The following RPS6KC1 variants were observed in gnomAD, a reference collection of about 807,000 sequenced individuals.
The protein encoded by RPS6KC1 is inactive ribosomal protein S6 kinase delta-1.
Under a neutral mutation model 103.8 loss-of-function variants are expected in RPS6KC1, and 54 were observed. That is an observed-to-expected ratio of 0.52 (90% confidence interval 0.42 to 0.65). The LOEUF (loss-of-function observed/expected upper bound fraction) is 0.65. Ranked by LOEUF, RPS6KC1 falls within the 30% of genes least tolerant of loss-of-function variation. RPS6KC1 has a pLI of 0.00. For synonymous variants in RPS6KC1, 439 were observed against 438.7 expected (o/e 1.00, Z -0.01); for missense variants, 1,151 against 1,253.8 (o/e 0.92, Z 1.24).
chr1:213,082,502 G>T (rs1337126600), intron 3 of RPS6KC1, among the ~76,000 whole-genome samples: 2 of 152,282 alleles, frequency 1.3e-5, no homozygotes, highest in East Asian at 3.9e-4. Flanking sequence ...TGCAAGTGAG[G>T]TTTCCCAAAG....
chr1:213,497,615 A>G, the RPS6KC1 span, among the ~76,000 whole-genome samples: 80 of 152,344 alleles, frequency 5.3e-4, no homozygotes, highest in Admixed American at 7.2e-4. Context: ...TGGTTTTAGT[A>G]TAAAGAATTA....
At position 213,176,479 on chromosome 1, in the gene RPS6KC1, G is replaced by A; in HGVS notation, c.1031G>A (p.Gly344Glu). The A allele has an allele frequency of 6.3e-7, 1 of 1,598,164 alleles. No homozygotes were observed. The highest frequency in any genetic ancestry group is 8.6e-7 in the Non-Finnish European group (1 of 1,167,914). Residue 344 changes from glycine to glutamate, a missense_variant, in exon 8 of 15, where the codon GGG (glycine) becomes GAG (glutamate). Transcript: ENST00000366960. Reference protein sequence around the residue: ...AEELKAFRVLGVIDKVLLVMD... With the variant: ...AEELKAFRVLEVIDKVLLVMD... Reference sequence around the variant, plus strand: ...GAGCTGAAGGCCTTCAGAGTCCTTGGGGTGATTGACAAGGTAATTCTTCAG... The same window carrying A: ...GAGCTGAAGGCCTTCAGAGTCCTTGAGGTGATTGACAAGGTAATTCTTCAG...
the RPS6KC1 span, among the ~76,000 whole-genome samples, chr1:213,315,630 A>G: frequency 6.6e-6 from 1 of 152,342 alleles, no homozygotes; most frequent in Non-Finnish European, 1.5e-5. Context: ...TTTCAGATCT[A>G]TATTAGTATA....
chr1:213,084,453 A>G (rs1304495048), intron 3 of RPS6KC1, among the ~76,000 whole-genome samples: 1 of 152,068 alleles, frequency 6.6e-6, no homozygotes, highest in South Asian at 2.1e-4. Context: ...TTAATGAGCT[A>G]TTCCAAATTA....
the RPS6KC1 span, among the ~76,000 whole-genome samples, chr1:213,830,742 A>G: frequency 2.0e-5 from 3 of 151,676 alleles, no homozygotes; most frequent in African/African-American, 7.3e-5. Context: ...CAACCTGACT[A>G]GATATTCTAT....
chr1:213,199,027 A>G (rs757069582), intron 8 of RPS6KC1, among the ~76,000 whole-genome samples: 7 of 152,266 alleles, frequency 4.6e-5, no homozygotes, highest in Non-Finnish European at 1.0e-4. Flanking sequence ...AAAAAAGCCC[A>G]GGACCAGATG....
At chr1:213,176,571 T>C in intron 8 of RPS6KC1, 79 bp downstream of exon 8, 1 of 940,312 alleles carries the variant, frequency 1.1e-6, no homozygotes, top group Non-Finnish European at 1.6e-6. Flanking sequence ...GCTTTGGATC[T>C]TAAGGATATG....
the RPS6KC1 span, among the ~76,000 whole-genome samples, chr1:213,285,365 T>C: frequency 6.6e-6 from 1 of 152,154 alleles, no homozygotes; most frequent in South Asian, 2.1e-4. Flanking sequence ...GATTTAAGCA[T>C]GAATTTTGGG....
At chr1:213,810,299 A>C in the RPS6KC1 span, among the ~76,000 whole-genome samples, 1 of 152,208 alleles carries the variant, frequency 6.6e-6, no homozygotes, top group African/African-American at 2.4e-5. Context: ...CTAAGGAAGA[A>C]GACTAGTTCC....
chr1:213,097,028 T>G (rs2081522164), intron 3 of RPS6KC1, among the ~76,000 whole-genome samples: 1 of 152,154 alleles, frequency 6.6e-6, no homozygotes, highest in Non-Finnish European at 1.5e-5. Context: ...CACCAGAGCT[T>G]CGAGTGAACC....
At chr1:213,751,008 C>T in the RPS6KC1 span, among the ~76,000 whole-genome samples, 1 of 152,160 alleles carries the variant, frequency 6.6e-6, no homozygotes, top group Non-Finnish European at 1.5e-5. Flanking sequence ...AACCGTTGAG[C>T]ACTGCAGCCA....
At chr1:213,530,632 A>C in the RPS6KC1 span, among the ~76,000 whole-genome samples, 3 of 152,154 alleles carry the variant, frequency 2.0e-5, no homozygotes, top group Non-Finnish European at 2.9e-5. Flanking sequence ...ATATGGTCCT[A>C]CTCTCACAAG....
Position 213,207,987 on chromosome 1 carries a change from T to G in RPS6KC1, c.1045-22510T>G, listed in dbSNP as rs1212698244. ...CGTACCCGGTCTTGAATACCTTTTCTTCTGCTAATCTGTCTATTGTCAGTT... is the reference window on the plus strand; with the variant it reads ...CGTACCCGGTCTTGAATACCTTTTCGTCTGCTAATCTGTCTATTGTCAGTT... On this transcript the variant is annotated intron_variant, in intron 8 of 14. Coordinates refer to ENST00000366960, the MANE Select transcript of RPS6KC1 (RefSeq NM_012424.6). Among the ~76,000 whole-genome samples, 2 of 152,196 alleles carry G rather than the reference T, an allele frequency of 1.3e-5. 1 individual carries two copies. Among genetic ancestry groups the G allele is most frequent in the Non-Finnish European group, 2.9e-5 (2 of 68,014 alleles).
At chr1:213,103,289 CAAT>C (rs2082172958) in intron 3 of RPS6KC1, among the ~76,000 whole-genome samples, 1 of 151,948 alleles carries the variant, frequency 6.6e-6, no homozygotes, top group Non-Finnish European at 1.5e-5. Flanking sequence ...CTCACACAGT[CAAT>C]AAAAGCTTGC....
At chr1:213,673,825 T>C in the RPS6KC1 span, among the ~76,000 whole-genome samples, 1 of 152,338 alleles carries the variant, frequency 6.6e-6, no homozygotes, top group East Asian at 1.9e-4. Flanking sequence ...AATTATTCTT[T>C]CTTTTTTAGT....
chr1:213,613,592 G>A, the RPS6KC1 span, among the ~76,000 whole-genome samples: 3 of 152,206 alleles, frequency 2.0e-5, no homozygotes, highest in Admixed American at 2.0e-4. Flanking sequence ...CAGTAAAAAT[G>A]TATCTATTAT....
the RPS6KC1 span, among the ~76,000 whole-genome samples, chr1:213,579,473 T>A: frequency 1.3e-5 from 2 of 151,972 alleles, no homozygotes; most frequent in Non-Finnish European, 2.9e-5. Flanking sequence ...GATGCAGAAG[T>A]TGTTAAGTTG....
intron 4 of RPS6KC1, among the ~76,000 whole-genome samples, chr1:213,106,304 A>G (rs2082491809): frequency 6.6e-6 from 1 of 152,220 alleles, no homozygotes; most frequent in African/African-American, 2.4e-5. Context: ...TATTTTTCAT[A>G]TGACAAGAAG....
At chr1:213,094,149 G>A (rs61834099) in intron 3 of RPS6KC1, among the ~76,000 whole-genome samples, 5,171 of 149,230 alleles carry the variant, frequency 0.035, 122 homozygotes, top group Middle Eastern at 0.055. Context: ...CCAAATTCAT[G>A]GATTGTTAAT....
Sources: gnomAD v4.1 joint callset for allele counts (sites outside exome capture counted in the v4.1 genomes callset) on GRCh38, gnomAD v4.1.1 for gene constraint, MANE v1.5 for transcripts, NCBI Gene and HGNC (gene_info 2026-07-23, HGNC 2026-07-21) for gene names.